DSC2: variants seen among roughly 807,000 people sequenced by gnomAD.
DSC2 encodes the protein desmocollin 2.
Under a neutral mutation model 87.6 loss-of-function variants are expected in DSC2, and 51 were observed. The ratio of observed to expected loss-of-function variants is 0.58; its 90% CI spans 0.46 to 0.74. DSC2 has a LOEUF of 0.74. Among genes scored for constraint, DSC2 ranks in the 30% least tolerant of loss-of-function variants. The pLI is 0.00. For missense variants in DSC2, 1,066 were observed against 1,089.5 expected (o/e 0.98, Z 0.30); for synonymous variants, 383 against 393.2 (o/e 0.97, Z 0.31).
intron 7 of DSC2, among the ~76,000 whole-genome samples, chr18:31,084,223 A>G (rs1204892798): frequency 6.6e-6 from 1 of 152,160 alleles, no homozygotes; most frequent in Non-Finnish European, 1.5e-5. Context: ...TTTAACACAC[A>G]TAATTTTCCA....
rs1214968661 is a variant in DSC2, at chr18:31,059,649, T to C, written c.*8366A>G. 1.3e-5 allele frequency: 2 copies of C among 152,146 alleles called. No individual in the cohort carries two copies. Among genetic ancestry groups the C allele is most frequent in the African/African-American group, 4.8e-5 (2 of 41,438 alleles). 9.4% of individuals were successfully genotyped at this position (152,146 alleles called of 1,614,324 possible). A position where few individuals can be genotyped will look rare whatever the true frequency, so the allele number is the denominator to read the frequency against. On this transcript the variant is annotated 3_prime_UTR_variant, in exon 16 of 16. Transcript: ENST00000280904. ...AAATGCTTGTGGTAAAATGAAAACA[T>C]GGAAACACACAATGAATAAATATTT... is the stretch of plus-strand genomic sequence containing the variant.
intron 15 of DSC2, 116 bp downstream of exon 15, chr18:31,068,778 A>T: frequency 7.5e-7 from 1 of 1,335,218 alleles, no homozygotes; most frequent in Admixed American, 1.9e-5. Flanking sequence ...ATAGCTTTCA[A>T]TTAGTAGAAT....
Position 31,074,765 on chromosome 18 carries a change from A to T in DSC2, c.1806T>A (p.Pro602=). 3.1e-6 allele frequency: 5 copies of T among 1,614,076 alleles called. No individual in the cohort carries two copies. The highest frequency in any genetic ancestry group is 4.2e-6 in the Non-Finnish European group (5 of 1,179,996). Residue 602 remains proline, a synonymous_variant, in exon 12 of 16, where the codon CCT becomes CCA. Coordinates refer to ENST00000280904, the MANE Select transcript of DSC2 (RefSeq NM_024422.6). ...TAAAGTCAAAGGGTGGGCCATGGAT[A>T]GGCTCATCAGGATCAACCGCAACAA... The part of the protein sequence containing the change: ...AEIVAVDPDE[P]IHGPPFDFSL...
intron 11 of DSC2, among the ~76,000 whole-genome samples, 194 bp downstream of exon 11, chr18:31,079,653 T>C (rs562912115): frequency 4.1e-4 from 63 of 152,308 alleles, no homozygotes; most frequent in Non-Finnish European, 7.8e-4. Flanking sequence ...ATTTTATAAT[T>C]ACATCTAAAA....
At chr18:31,076,351 G>C (rs1987017513) in intron 11 of DSC2, among the ~76,000 whole-genome samples, 3 of 151,972 alleles carry the variant, frequency 2.0e-5, no homozygotes, top group Non-Finnish European at 2.9e-5. Flanking sequence ...AGTTAATATG[G>C]GCAAAGTGGG....
chr18:31,097,725 C>T (rs59222407), intron 1 of DSC2, among the ~76,000 whole-genome samples: 1,660 of 151,766 alleles, frequency 0.011, 63 homozygotes, highest in African/African-American at 0.039. Flanking sequence ...AAAGAAGAGG[C>T]AAAACAATTT....
At chr18:31,080,814 A>G (rs1222145824) in intron 9 of DSC2, among the ~76,000 whole-genome samples, 1 of 152,258 alleles carries the variant, frequency 6.6e-6, no homozygotes, top group African/African-American at 2.4e-5. Flanking sequence ...TCTTTTGTTT[A>G]TAAACTATCC....
chr18:31,088,974 G>A (rs778295915), intron 5 of DSC2, among the ~76,000 whole-genome samples: 39 of 151,912 alleles, frequency 2.6e-4, no homozygotes, highest in Non-Finnish European at 5.0e-4. Context: ...GACCAGCCTG[G>A]CCAACATGGT....
chr18:31,089,067 A>C (rs1290685880), intron 5 of DSC2, among the ~76,000 whole-genome samples: 3 of 149,702 alleles, frequency 2.0e-5, no homozygotes. Flanking sequence ...CAGGAGGCTA[A>C]GGTGGGAGGA....
Position 31,079,864 on chromosome 18 carries a change from A to G in DSC2, c.1646T>C (p.Val549Ala). The G allele has an allele frequency of 6.2e-7, 1 of 1,613,942 alleles. No homozygotes were observed. Among genetic ancestry groups the G allele is most frequent in the Non-Finnish European group, 8.5e-7 (1 of 1,179,918 alleles). ...TIKNGIYNIT[V>A]LASDQGGRTC... ...ATTCTTACCTTGGTCTGATGCAAGG[A>G]CTGTAATATTATATATGCCATTTTT... The change falls in exon 11 of 16, where the codon GTC (valine) becomes GCC (alanine). Residue 549 changes from valine to alanine, a missense_variant. Transcript: ENST00000280904.
At position 31,060,943 on chromosome 18, in the gene DSC2, T is replaced by A. The variant is rs528134384; in HGVS notation, c.*7072A>T. On this transcript the variant is annotated 3_prime_UTR_variant, in exon 16 of 16. Coordinates refer to ENST00000280904, the MANE Select transcript of DSC2 (RefSeq NM_024422.6). ...ATATGTTTTATATGAAAAGGCAAAT[T>A]TTAAATACTTAAGTTTCATAAACCA... The A allele has an allele frequency of 6.6e-6, 1 of 152,320 alleles. No homozygotes were observed. Among genetic ancestry groups the A allele is most frequent in the South Asian group, 2.1e-4 (1 of 4,826 alleles). 9.4% of individuals were successfully genotyped at this position (152,320 alleles called of 1,614,324 possible).
In DSC2 at chr18:31,079,970, G is replaced by C; in HGVS notation, c.1540C>G (p.Pro514Ala). 1.2e-6 allele frequency: 2 copies of C among 1,613,808 alleles called. No homozygotes were observed. ...TCATCAATGGTGACCCACCCTGTTG[G>C]ATCAGTTAATTTCTTATACCTGTTG... Reference protein sequence around the residue: ...SGIRYKKLTDPTGWVTIDENT... With the variant: ...SGIRYKKLTDATGWVTIDENT... The change falls in exon 11 of 16, where the codon CCA becomes GCA. Residue 514 changes from proline to alanine, a missense_variant. Physicochemically the swap from Pro to Ala is conservative, Grantham distance 27. Coordinates refer to ENST00000280904, the MANE Select transcript of DSC2 (RefSeq NM_024422.6).
At position 31,060,402 on chromosome 18, in the gene DSC2, G is replaced by A. The variant is rs1401894344; in HGVS notation, c.*7613C>T. The stretch of plus-strand genomic sequence containing the variant: ...GCCTGGGAGTTTTCCAATTGGCCCT[G>A]TTCCCAGGGGAACACTCCTTAAGCT... On this transcript the variant is annotated 3_prime_UTR_variant, in exon 16 of 16. Coordinates refer to ENST00000280904, the MANE Select transcript of DSC2 (RefSeq NM_024422.6). 2.0e-5 allele frequency: 3 copies of A among 152,004 alleles called. No homozygotes were observed. The highest frequency in any genetic ancestry group is 7.3e-5 in the African/African-American group (3 of 41,368). 9.4% of individuals were successfully genotyped at this position (152,004 alleles called of 1,614,324 possible).
rs1305923859 is a variant in DSC2, at chr18:31,067,153, C to G, written c.*862G>C. 1 of 149,068 alleles carries G rather than the reference C, an allele frequency of 6.7e-6. No individual in the cohort carries two copies. The highest frequency in any genetic ancestry group is 1.5e-5 in the Non-Finnish European group (1 of 67,362). 9.2% of individuals were successfully genotyped at this position (149,068 alleles called of 1,614,324 possible). A position where few individuals can be genotyped will look rare whatever the true frequency, so the allele number is the denominator to read the frequency against. ...TCAAGAAAAACTAAGAATATATACACTTACATAAAACAAAAAAAAGGAATA... is the reference window on the plus strand; with the variant it reads ...TCAAGAAAAACTAAGAATATATACAGTTACATAAAACAAAAAAAAGGAATA... On this transcript the variant is annotated 3_prime_UTR_variant, in exon 16 of 16. Transcript: ENST00000280904.
rs574810949 is a variant in DSC2, at chr18:31,065,775, C to T, written c.*2240G>A. ...TCATCCAATTTGAACCTTACAGTTT[C>T]ACAGTGTTTCAAACCAGGCAATCCC... is the stretch of plus-strand genomic sequence containing the variant. On this transcript the variant is annotated 3_prime_UTR_variant, in exon 16 of 16. Transcript: ENST00000280904. The T allele has an allele frequency of 2.0e-5, 3 of 152,294 alleles. No homozygotes were observed. Among genetic ancestry groups the T allele is most frequent in the Admixed American group, 2.0e-4 (3 of 15,292 alleles). 9.4% of individuals were successfully genotyped at this position (152,294 alleles called of 1,614,324 possible). A position where few individuals can be genotyped will look rare whatever the true frequency, so the allele number is the denominator to read the frequency against.
At chr18:31,080,917 C>T (rs147811119) in intron 9 of DSC2, among the ~76,000 whole-genome samples, 7 of 151,794 alleles carry the variant, frequency 4.6e-5, no homozygotes, top group Admixed American at 3.3e-4. Context: ...CCCACTGATT[C>T]AGTACTTGGG....
intron 5 of DSC2, among the ~76,000 whole-genome samples, chr18:31,089,174 A>AC (rs1253811750): frequency 2.0e-5 from 3 of 151,738 alleles, no homozygotes; most frequent in African/African-American, 7.3e-5. Context: ...CAAAAAAAAA[A>AC]AAAAAAAAAC....
At chr18:31,097,862 C>A (rs2144861013) in intron 1 of DSC2, among the ~76,000 whole-genome samples, 1 of 151,710 alleles carries the variant, frequency 6.6e-6, no homozygotes, top group Non-Finnish European at 1.5e-5. Context: ...TGGGTGTCTG[C>A]CAAGTGTGAA....
chr18:31,065,687 T>G lies in DSC2; in HGVS notation c.*2328A>C, dbSNP rs143450264. ...AGGGATTGACAGGGAGAATCTAAAA[T>G]ACACATAATTTTCATAGGGTGTTAG... On this transcript the variant is annotated 3_prime_UTR_variant, in exon 16 of 16. Transcript: ENST00000280904. 1 of 152,284 alleles carries G rather than the reference T, an allele frequency of 6.6e-6. No individual in the cohort carries two copies. The highest frequency in any genetic ancestry group is 2.4e-5 in the African/African-American group (1 of 41,578). 9.4% of individuals were successfully genotyped at this position (152,284 alleles called of 1,614,324 possible). A position where few individuals can be genotyped will look rare whatever the true frequency, so the allele number is the denominator to read the frequency against.
Sources: allele counts gnomAD v4.1 joint callset (sites outside exome capture counted in the v4.1 genomes callset), GRCh38; gene constraint gnomAD v4.1.1; transcripts MANE v1.5; gene names NCBI Gene and HGNC (gene_info 2026-07-23, HGNC 2026-07-21).